STAP1: variants seen among roughly 807,000 people sequenced by gnomAD.
The protein encoded by STAP1 is signal-transducing adaptor protein 1.
STAP1 carries 30 observed loss-of-function variants against 37.8 expected under a neutral mutation model. The observed-to-expected ratio is 0.79, with a 90% CI of 0.59 to 1.08. The LOEUF (loss-of-function observed/expected upper bound fraction) is 1.08, where lower values mean the gene tolerates loss of function less well. STAP1 is among the 50% of genes least tolerant of loss of function. The pLI is 0.00. For synonymous variants in STAP1, 130 were observed against 116.0 expected (o/e 1.12, Z -0.78); for missense variants, 357 against 349.4 (o/e 1.02, Z -0.17).
At chr4:67,566,194 C>T (rs1253441007) in intron 1 of STAP1, among the ~76,000 whole-genome samples, 2 of 151,954 alleles carry the variant, frequency 1.3e-5, no homozygotes, top group Non-Finnish European at 2.9e-5. Context: ...GTGATCTTCC[C>T]GCCTCGGCCT....
intron 6 of STAP1, among the ~76,000 whole-genome samples, chr4:67,585,981 T>G (rs1308244312): frequency 6.6e-6 from 1 of 152,192 alleles, no homozygotes; most frequent in African/African-American, 2.4e-5. Context: ...GAGAGCAGAT[T>G]TTTAATAGAA....
intron 3 of STAP1, among the ~76,000 whole-genome samples, chr4:67,576,060 G>A (rs530812742): frequency 6.6e-6 from 1 of 152,230 alleles, no homozygotes; most frequent in Non-Finnish European, 1.5e-5. Flanking sequence ...CTGAATTTGG[G>A]CTGTTTTATT....
chr4:67,563,665 TG>T lies in STAP1; in HGVS notation c.120+4737del, dbSNP rs1727402476. On this transcript the variant is annotated intron_variant, in intron 1 of 8. Transcript: ENST00000265404. The stretch of plus-strand genomic sequence containing the variant: ...CTGCAGTGAGCTATGATTGCATCAC[TG>T]CACCCCAGCCTGAGCAACAGAGCGA... Among the ~76,000 whole-genome samples, 3 of 152,308 alleles carry T rather than the reference TG, an allele frequency of 2.0e-5. 1 individual carries two copies. The South Asian group carries it at 6.2e-4, about 32-fold the overall frequency.
chr4:67,583,776 C>G, intron 6 of STAP1, 74 bp downstream of exon 6: 1 of 1,525,686 alleles, frequency 6.6e-7, no homozygotes, highest in Non-Finnish European at 8.8e-7. Flanking sequence ...AGATCAGCAC[C>G]TGCTATGTGT....
chr4:67,565,934 CTTTTTTTTTTT>C (rs60607477), intron 1 of STAP1, among the ~76,000 whole-genome samples: 43 of 59,426 alleles, frequency 7.2e-4, no homozygotes, highest in Non-Finnish European at 9.5e-4. Flanking sequence ...AACCCAACTG[CTTTTTTTTTTT>C]TTTTTTTTTT....
Position 67,603,663 on chromosome 4 carries a change from A to G in STAP1, c.827-2633A>G, listed in dbSNP as rs999482525. On this transcript the variant is annotated intron_variant, in intron 8 of 8. Transcript: ENST00000265404. ...TTCCCTTCTGGCCCAGGGCGTGTCT[A>G]GAAATGCCCAGAAGCTAGGGCCTGA... 2.0e-5 allele frequency among the ~76,000 whole-genome samples: 3 copies of G among 152,146 alleles called. No individual in the cohort carries two copies. The East Asian group carries it at 5.8e-4, about 29-fold the overall frequency.
intron 1 of STAP1, among the ~76,000 whole-genome samples, chr4:67,569,053 A>G (rs1727539553): frequency 6.6e-6 from 1 of 152,218 alleles, no homozygotes; most frequent in African/African-American, 2.4e-5. Context: ...CACGGAGTAT[A>G]CTTATGCAAC....
chr4:67,559,633 G>A (rs1179343288), intron 1 of STAP1, among the ~76,000 whole-genome samples: 2 of 151,882 alleles, frequency 1.3e-5, no homozygotes, highest in African/African-American at 2.4e-5. Flanking sequence ...AGTAATTATG[G>A]ATGACTTGAA....
At chr4:67,580,095 T>C (rs1338077098) in intron 4 of STAP1, among the ~76,000 whole-genome samples, 3 of 152,170 alleles carry the variant, frequency 2.0e-5, no homozygotes, top group African/African-American at 7.2e-5. Context: ...TGACCTCAAG[T>C]GATCCACCCA....
intron 8 of STAP1, among the ~76,000 whole-genome samples, chr4:67,594,683 C>T (rs891060384): frequency 2.6e-5 from 4 of 152,146 alleles, no homozygotes; most frequent in African/African-American, 9.7e-5. Context: ...GTTTTTTACT[C>T]TCTGTCATCT....
In STAP1 at chr4:67,558,910, T is replaced by A; in HGVS notation, c.101T>A (p.Ile34Asn). ...TTGTACTTTGAAGGTTTTTTATTAA[T>A]CAAGCGGTCAGGATACCGGGTGAGT... ...LPLYFEGFLL[I>N]KRSGYREYEH... The change falls in exon 1 of 9, where the codon ATC (isoleucine) becomes AAC (asparagine). Residue 34 changes from isoleucine (I) to asparagine (N), a missense_variant. By Grantham distance (149) the Ile-to-Asn change is moderately radical. Transcript: ENST00000265404. 3 of 1,612,966 alleles carry A rather than the reference T, an allele frequency of 1.9e-6. No individual in the cohort carries two copies. Among genetic ancestry groups the A allele is most frequent in the Non-Finnish European group, 2.5e-6 (3 of 1,179,358 alleles).
chr4:67,590,349 A>G (rs1013997361), intron 6 of STAP1, among the ~76,000 whole-genome samples: 2 of 152,184 alleles, frequency 1.3e-5, no homozygotes, highest in Non-Finnish European at 2.9e-5. Context: ...AGTATTTTCC[A>G]TATCTCCAAG....
intron 8 of STAP1, among the ~76,000 whole-genome samples, chr4:67,597,524 G>A (rs1250272029): frequency 6.6e-6 from 1 of 152,158 alleles, no homozygotes; most frequent in Non-Finnish European, 1.5e-5. Context: ...TCCACCCACA[G>A]CTTGCACCAT....
At chr4:67,570,732 GAGAAAGGAGGGAGGA>G (rs999512130) in intron 1 of STAP1, among the ~76,000 whole-genome samples, 4 of 151,100 alleles carry the variant, frequency 2.6e-5, no homozygotes, top group African/African-American at 4.9e-5. Flanking sequence ...GGAAGGAAGG[GAGAAAGGAGGGAGGA>G]AGAAAGGAGG....
chr4:67,577,238 C>T lies in STAP1; in HGVS notation c.342C>T (p.Gly114=). The T allele has an allele frequency of 6.2e-7, 1 of 1,609,090 alleles. No individual in the cohort carries two copies. ...ENTESGEEWR[G]FILTVTELSV... is the part of the protein sequence containing the mutation. ...CAGAAAGTGGGGAAGAATGGAGAGGCTTCATTCTTACAGTAACAGAGGTAG... is the reference window on the plus strand; with the variant it reads ...CAGAAAGTGGGGAAGAATGGAGAGGTTTCATTCTTACAGTAACAGAGGTAG... The change falls in exon 4 of 9, where the codon GGC becomes GGT. Residue 114 remains glycine (G), a synonymous_variant. Coordinates refer to ENST00000265404, the MANE Select transcript of STAP1 (RefSeq NM_012108.4).
chr4:67,592,862 TTC>T (rs1728149064), intron 7 of STAP1, among the ~76,000 whole-genome samples: 1 of 152,144 alleles, frequency 6.6e-6, no homozygotes, highest in African/African-American at 2.4e-5. Flanking sequence ...TTTTTCAATT[TTC>T]GTAGAGACAG....
intron 8 of STAP1, among the ~76,000 whole-genome samples, chr4:67,598,372 G>A (rs1222711697): frequency 6.6e-6 from 1 of 151,984 alleles, no homozygotes; most frequent in Admixed American, 6.6e-5. Context: ...CTCTATAGTT[G>A]CTCTACTAAT....
intron 8 of STAP1, among the ~76,000 whole-genome samples, chr4:67,603,712 T>A (rs1393403823): frequency 2.6e-5 from 4 of 152,108 alleles, no homozygotes; most frequent in Admixed American, 1.3e-4. Flanking sequence ...TGACTCTGCC[T>A]GATGCCCTGT....
intron 7 of STAP1, among the ~76,000 whole-genome samples, chr4:67,592,919 A>G (rs1164707017): frequency 6.6e-6 from 1 of 152,136 alleles, no homozygotes; most frequent in African/African-American, 2.4e-5. Context: ...CCTGGTCTCA[A>G]ATGATCTTCC....
Sources: gnomAD v4.1 joint callset for allele counts (sites outside exome capture counted in the v4.1 genomes callset) on GRCh38, gnomAD v4.1.1 for gene constraint, MANE v1.5 for transcripts, NCBI Gene and HGNC (gene_info 2026-07-23, HGNC 2026-07-21) for gene names.